The following ARHGAP17 variants were observed in gnomAD, a reference collection of about 807,000 sequenced individuals.
ARHGAP17 encodes rho GTPase-activating protein 17.
ARHGAP17 carries 57 observed loss-of-function variants against 99.5 expected under a neutral mutation model. The ratio of observed to expected loss-of-function variants is 0.57; its 90% confidence interval spans 0.46 to 0.71. The LOEUF is 0.71. Among genes scored for constraint, ARHGAP17 ranks in the 30% least tolerant of loss-of-function variants. The pLI is 0.00. For synonymous variants in ARHGAP17, 417 were observed against 429.6 expected, an observed-to-expected ratio of 0.97 and a Z score of 0.36; for missense variants, 1,000 against 1,122.4, an observed-to-expected ratio of 0.89 and a Z score of 1.56.
chr16:24,935,493 G>C lies in ARHGAP17; in HGVS notation c.1871C>G (p.Pro624Arg), dbSNP rs766193511. Residue 624 changes from proline to arginine, a missense_variant, in exon 18 of 20, where the codon CCC becomes CGC. This residue lies in a region of ARHGAP17 where 528 missense variants were observed against 511.4 expected (regional missense o/e 1.03). Coordinates refer to ENST00000289968, the MANE Select transcript of ARHGAP17 (RefSeq NM_001006634.3). The part of the protein sequence containing the change: ...SMGQPHNAAG[P>R]SPHTLRRAVK... ...ACCTCGGCGCAGTGTATGCGGGCTG[G>C]GCCCTGCAGCATTGTGAGGTTGGCC... The C allele has an allele frequency of 1.2e-6, 2 of 1,608,158 alleles. No individual in the cohort carries two copies. The highest frequency in any genetic ancestry group is 1.7e-5 in the Admixed American group (1 of 58,890).
rs191906257 is a variant in ARHGAP17 at position 24,974,606 on chromosome 16, G to A, written c.198+2609C>T. The stretch of plus-strand genomic sequence containing the variant: ...AGCCAAGATTTTTTTTTTTAGGCAG[G>A]AGGATAATAGGGTTGATTTGTGTTT... On this transcript the variant is annotated intron_variant, in intron 3 of 19. Transcript: ENST00000289968. Among the ~76,000 whole-genome samples, 204 of 152,082 alleles carry A rather than the reference G, an allele frequency of 1.3e-3. 1 individual carries two copies. Among genetic ancestry groups the A allele is most frequent in the African/African-American group, 4.6e-3 (191 of 41,486 alleles).
chr16:24,995,987 C>G (rs79766240), intron 1 of ARHGAP17, among the ~76,000 whole-genome samples: 5,694 of 152,186 alleles, frequency 0.037, 341 homozygotes, highest in African/African-American at 0.13. Flanking sequence ...CTCAACCTCT[C>G]CAGTATCTGG....
chr16:24,935,922 C>T (rs946218269), intron 17 of ARHGAP17: 4 of 436,518 alleles, frequency 9.2e-6, no homozygotes, highest in Non-Finnish European at 1.7e-5. Flanking sequence ...TCCTCTCCTG[C>T]CTCAGCACCC....
rs1008890230 is a variant in ARHGAP17 at position 24,990,530 on chromosome 16, C to T, written c.54-11525G>A. Among the ~76,000 whole-genome samples, 4 of 151,528 alleles carry T rather than the reference C, an allele frequency of 2.6e-5. No individual in the cohort carries two copies. In the South Asian group the frequency reaches 8.3e-4, roughly 32 times the overall value. On this transcript the variant is annotated intron_variant, in intron 1 of 19. Coordinates refer to ENST00000289968, the MANE Select transcript of ARHGAP17 (RefSeq NM_001006634.3). Reference sequence around the variant, plus strand: ...ACAATTAGCTGGGCATGGTGGTGAGCACTTGTAGTCCAGCTACTTAGGAAG... The same window carrying T: ...ACAATTAGCTGGGCATGGTGGTGAGTACTTGTAGTCCAGCTACTTAGGAAG...
intron 14 of ARHGAP17, among the ~76,000 whole-genome samples, chr16:24,945,521 A>G (rs2051445046): frequency 6.6e-6 from 1 of 152,122 alleles, no homozygotes; most frequent in Non-Finnish European, 1.5e-5. Flanking sequence ...ACCCGTTATG[A>G]GGCCTACATG....
intron 19 of ARHGAP17, among the ~76,000 whole-genome samples, chr16:24,928,307 G>C (rs924294367): frequency 6.6e-6 from 1 of 152,244 alleles, no homozygotes; most frequent in East Asian, 1.9e-4. Flanking sequence ...TGGTAACCTG[G>C]AATTTCTTGA....
chr16:25,005,746 AT>A (rs2053487657), intron 1 of ARHGAP17, among the ~76,000 whole-genome samples: 1 of 152,250 alleles, frequency 6.6e-6, no homozygotes, highest in South Asian at 2.1e-4. Flanking sequence ...GTAAGAACAC[AT>A]TCATTTTGAA....
At chr16:24,990,449 G>A (rs1449932622) in intron 1 of ARHGAP17, among the ~76,000 whole-genome samples, 4 of 151,922 alleles carry the variant, frequency 2.6e-5, no homozygotes, top group Admixed American at 6.5e-5. Flanking sequence ...TCGTGCCACT[G>A]CACTCCAGTC....
At position 24,935,582 on chromosome 16, in the gene ARHGAP17, G is replaced by A. The variant is rs1228542064; in HGVS notation, c.1782C>T (p.Asn594=). The change falls in exon 18 of 20, where the codon AAC becomes AAT. Residue 594 remains asparagine (N), a synonymous_variant. Coordinates refer to ENST00000289968, the MANE Select transcript of ARHGAP17 (RefSeq NM_001006634.3). ...SAAVPAPGRN[N]SQIASGQNQP... is the part of the protein sequence containing the mutation. ...GATTTTGGCCAGATGCTATCTGACT[G>A]TTGTTTCTCCCTGGTGCTGGCACAG... 1 of 1,614,136 alleles carries A rather than the reference G, an allele frequency of 6.2e-7. No homozygotes were observed. Among genetic ancestry groups the A allele is most frequent in the Non-Finnish European group, 8.5e-7 (1 of 1,180,048 alleles).
At chr16:24,945,118 G>A (rs1467310613) in intron 14 of ARHGAP17, among the ~76,000 whole-genome samples, 3 of 151,906 alleles carry the variant, frequency 2.0e-5, no homozygotes, top group Non-Finnish European at 2.9e-5. Context: ...TAGACCAGGA[G>A]TTCAAGACCA....
chr16:24,920,147 C>A lies in ARHGAP17; in HGVS notation c.2629G>T (p.Glu877Ter). Reference sequence around the variant, plus strand: ...GGCTTTCTTCACAGGGCAGTGCTCTCGGTATCATTGTCTATATCCAGCAGG... The same window carrying A: ...GGCTTTCTTCACAGGGCAGTGCTCTAGGTATCATTGTCTATATCCAGCAGG... ...RILLDIDNDT[E>*]STAL The change falls in exon 20 of 20, where the codon GAG (glutamate) becomes TAG (stop). Residue 877 changes from glutamate (E) to a stop codon, truncating the protein, a stop_gained. Coordinates refer to ENST00000289968, the MANE Select transcript of ARHGAP17 (RefSeq NM_001006634.3). LOFTEE classifies it high-confidence loss of function. The A allele has an allele frequency of 6.2e-7, 1 of 1,614,026 alleles. No homozygotes were observed. Among genetic ancestry groups the A allele is most frequent in the Non-Finnish European group, 8.5e-7 (1 of 1,179,974 alleles).
intron 7 of ARHGAP17, among the ~76,000 whole-genome samples, chr16:24,960,444 C>CTGAGGCAGGAGAATTGCT (rs1419719105): frequency 6.6e-6 from 1 of 152,084 alleles, no homozygotes; most frequent in Non-Finnish European, 1.5e-5. Flanking sequence ...ACTCGGGAGG[C>CTGAGGCAGGAGAATTGCT]TGAGGCAGGA....
intron 1 of ARHGAP17, among the ~76,000 whole-genome samples, chr16:25,003,703 A>C (rs1249810737): frequency 6.6e-6 from 1 of 151,976 alleles, no homozygotes; most frequent in Non-Finnish European, 1.5e-5. Flanking sequence ...GCACACCTGT[A>C]ATCCCAGCTA....
At chr16:24,971,374 G>A (rs571773859) in intron 3 of ARHGAP17, among the ~76,000 whole-genome samples, 1 of 148,794 alleles carries the variant, frequency 6.7e-6, no homozygotes, top group South Asian at 2.1e-4. Context: ...CTATCACCTA[G>A]GCTAGAGTGT....
In ARHGAP17 at chr16:24,935,529, T is replaced by C; in HGVS notation, c.1835A>G (p.Gln612Arg). ...NQPQAAAGSH[Q>R]LSMGQPHNAA... ...ATTGTGAGGTTGGCCCATGGAGAGC[T>C]GGTGGGAGCCAGCAGCTGCCTGGGG... The change falls in exon 18 of 20, where the codon CAG becomes CGG. Residue 612 changes from glutamine (Q) to arginine (R), a missense_variant. Coordinates refer to ENST00000289968, the MANE Select transcript of ARHGAP17 (RefSeq NM_001006634.3). The C allele has an allele frequency of 1.9e-6, 3 of 1,613,442 alleles. No individual in the cohort carries two copies. Among genetic ancestry groups the C allele is most frequent in the South Asian group, 1.1e-5 (1 of 90,930 alleles).
rs546269277 is a variant in ARHGAP17, at chr16:25,007,864, C to G, written c.53+7345G>C. ...GTATCATCAAAAATGGAAGATGTAG[C>G]TTCACTACTCCCACGTTCACCATGG... is the stretch of plus-strand genomic sequence containing the variant. On this transcript the variant is annotated intron_variant, in intron 1 of 19. Coordinates refer to ENST00000289968, the MANE Select transcript of ARHGAP17 (RefSeq NM_001006634.3). Among the ~76,000 whole-genome samples the G allele has an allele frequency of 2.0e-3, 297 of 152,264 alleles. 1 individual carries two copies. Among genetic ancestry groups the G allele is most frequent in the African/African-American group, 6.9e-3 (285 of 41,560 alleles).
intron 12 of ARHGAP17, among the ~76,000 whole-genome samples, chr16:24,951,326 G>A (rs1050250529): frequency 2.6e-5 from 4 of 152,170 alleles, no homozygotes; most frequent in Middle Eastern, 3.2e-3. Flanking sequence ...TCTGTAAAAT[G>A]TGGATCACAA....
At chr16:25,005,731 C>T (rs144753087) in intron 1 of ARHGAP17, among the ~76,000 whole-genome samples, 1 of 152,078 alleles carries the variant, frequency 6.6e-6, no homozygotes, top group Non-Finnish European at 1.5e-5. Context: ...TAAAGAAATA[C>T]AAATGTAAGA....
At chr16:24,990,080 T>C (rs2052991798) in intron 1 of ARHGAP17, among the ~76,000 whole-genome samples, 1 of 152,222 alleles carries the variant, frequency 6.6e-6, no homozygotes, top group South Asian at 2.1e-4. Context: ...GATTTGATCA[T>C]TACACATTGT....
Sources: gnomAD v4.1 joint callset for allele counts (sites outside exome capture counted in the v4.1 genomes callset) on GRCh38, gnomAD v4.1.1 for gene constraint, gnomAD v4.1.1 regional missense constraint, MANE v1.5 for transcripts, NCBI Gene and HGNC (gene_info 2026-07-23, HGNC 2026-07-21) for gene names.